BMPR1B: variants seen among roughly 807,000 people sequenced by gnomAD.
BMPR1B encodes bone morphogenetic protein receptor type 1B.
Under a neutral mutation model 59.1 loss-of-function variants are expected in BMPR1B, and 12 were observed. The observed-to-expected ratio is 0.20, with a 90% CI of 0.13 to 0.33. The LOEUF (loss-of-function observed/expected upper bound fraction) is 0.33, where lower values mean the gene tolerates loss of function less well. Among genes scored for constraint, BMPR1B ranks in the 10% least tolerant of loss-of-function variants. The probability of loss-of-function intolerance (pLI) is 1.00; values close to 1 mark genes in which losing one functional copy is unlikely to be tolerated. For synonymous variants in BMPR1B, 237 were observed against 207.3 expected (o/e 1.14, Z -1.23); for missense variants, 550 against 610.9 (o/e 0.90, Z 1.05).
chr4:95,018,671 T>C (rs185846302), intron 3 of BMPR1B, among the ~76,000 whole-genome samples: 2 of 152,168 alleles, frequency 1.3e-5, no homozygotes, highest in Non-Finnish European at 2.9e-5. Context: ...ATTTTTGGAA[T>C]TATTATTTCA....
chr4:94,888,593 A>G (rs1329863756), intron 2 of BMPR1B, among the ~76,000 whole-genome samples: 2 of 152,002 alleles, frequency 1.3e-5, no homozygotes, highest in Non-Finnish European at 1.5e-5. Flanking sequence ...GATATTGATC[A>G]TTTTACAGAT....
At position 94,777,274 on chromosome 4, in the gene BMPR1B, C is replaced by T. The variant is rs552060023; in HGVS notation, c.-183+19206C>T. 7.2e-5 allele frequency among the ~76,000 whole-genome samples: 11 copies of T among 151,822 alleles called. 1 individual carries two copies. Among genetic ancestry groups the T allele is most frequent in the Admixed American group, 5.2e-4 (8 of 15,250 alleles). ...GTTATCTCCATGAAATCTCCATAAG[C>T]CTCAGAAAAAGAAAACAAAATTTGA... On this transcript the variant is annotated intron_variant, in intron 1 of 12. Coordinates refer to ENST00000515059, the MANE Select transcript of BMPR1B (RefSeq NM_001203.3).
intron 3 of BMPR1B, among the ~76,000 whole-genome samples, chr4:95,084,157 G>T (rs1020465801): frequency 2.6e-5 from 4 of 151,356 alleles, no homozygotes; most frequent in African/African-American, 9.7e-5. Context: ...CTGAAATTAG[G>T]TTAAATCAGT....
At position 94,760,503 on chromosome 4, in the gene BMPR1B, GC is replaced by G. The variant is rs200131788; in HGVS notation, c.-183+2436del. Among the ~76,000 whole-genome samples the G allele has an allele frequency of 8.4e-3, 1,283 of 152,258 alleles. 8 individuals carry two copies. Among genetic ancestry groups the G allele is most frequent in the Non-Finnish European group, 0.014 (948 of 68,016 alleles). On this transcript the variant is annotated intron_variant, in intron 1 of 12. Coordinates refer to ENST00000515059, the MANE Select transcript of BMPR1B (RefSeq NM_001203.3). ...ATGTGCTTATCTTTTGCCACATATA[GC>G]ACCTCCTCCAGCTCTTTCTGAGCAC... is the stretch of plus-strand genomic sequence containing the variant.
chr4:94,763,851 ATTC>A (rs1327985206), intron 1 of BMPR1B, among the ~76,000 whole-genome samples: 35 of 152,174 alleles, frequency 2.3e-4, no homozygotes, highest in African/African-American at 8.2e-4. Flanking sequence ...ATTATCATCA[ATTC>A]TTTTTTCTGA....
chr4:95,053,879 AATTAAGCCACTTAGACT>A (rs1288965736), intron 3 of BMPR1B, among the ~76,000 whole-genome samples: 1 of 152,190 alleles, frequency 6.6e-6, no homozygotes, highest in Non-Finnish European at 1.5e-5. Flanking sequence ...GATTAACAGA[AATTAAGCCACTTAGACT>A]ATTAAGTTAA....
chr4:94,942,624 G>A (rs1210350164), intron 2 of BMPR1B, among the ~76,000 whole-genome samples: 2 of 152,130 alleles, frequency 1.3e-5, no homozygotes, highest in African/African-American at 4.8e-5. Context: ...TTTTCAAATT[G>A]TAGTTATATG....
intron 3 of BMPR1B, among the ~76,000 whole-genome samples, chr4:95,039,421 CT>C (rs35591365): frequency 0.26 from 37,293 of 140,866 alleles, 5,618 homozygotes; most frequent in South Asian, 0.42. Context: ...TTTACTTCTT[CT>C]TTTTTTTTTT....
intron 11 of BMPR1B, 82 bp downstream of exon 11, chr4:95,149,005 A>C (rs774780866): frequency 4.9e-5 from 75 of 1,525,278 alleles, no homozygotes; most frequent in Non-Finnish European, 6.2e-5. Flanking sequence ...CAAAGTTATC[A>C]TACTGTCTAT....
chr4:95,007,106 T>C (rs1206142557), intron 3 of BMPR1B, among the ~76,000 whole-genome samples: 1 of 152,154 alleles, frequency 6.6e-6, no homozygotes, highest in Non-Finnish European at 1.5e-5. Context: ...TTCTCACTTT[T>C]GTAACTCTAC....
In BMPR1B at chr4:94,884,588, G is replaced by A. The variant is rs147031963; in HGVS notation, c.-113+8688G>A. ...GAGGATACTTTCAAATTGGATAAGA[G>A]TTGTAACCACCCTAGGGAGGTTCTT... On this transcript the variant is annotated intron_variant, in intron 2 of 12. Coordinates refer to ENST00000515059, the MANE Select transcript of BMPR1B (RefSeq NM_001203.3). Among the ~76,000 whole-genome samples, 260 of 152,250 alleles carry A rather than the reference G, an allele frequency of 1.7e-3. 4 individuals are homozygous for A. The highest frequency in any genetic ancestry group is 6.1e-3 in the African/African-American group (255 of 41,570).
Position 94,850,034 on chromosome 4 carries a change from G to A in BMPR1B, c.-182-25797G>A, listed in dbSNP as rs1725508909. ...GACTTGCTTTTTTCCCTTCCTCCCAGTTCTTGTTGATGCCATTCCTTCAGC... is the reference window on the plus strand; with the variant it reads ...GACTTGCTTTTTTCCCTTCCTCCCAATTCTTGTTGATGCCATTCCTTCAGC... On this transcript the variant is annotated intron_variant, in intron 1 of 12. Coordinates refer to ENST00000515059, the MANE Select transcript of BMPR1B (RefSeq NM_001203.3). 2.0e-5 allele frequency among the ~76,000 whole-genome samples: 3 copies of A among 152,046 alleles called. No individual in the cohort carries two copies. The South Asian group carries it at 6.2e-4, about 32-fold the overall frequency.
chr4:95,073,365 A>G (rs1170856007), intron 3 of BMPR1B, among the ~76,000 whole-genome samples: 12 of 152,184 alleles, frequency 7.9e-5, no homozygotes, highest in Admixed American at 7.9e-4. Context: ...ACTGCTATGC[A>G]ACATTTTGGT....
intron 3 of BMPR1B, among the ~76,000 whole-genome samples, chr4:95,049,434 T>G (rs1430443892): frequency 1.8e-4 from 3 of 17,058 alleles, no homozygotes; most frequent in African/African-American, 4.6e-4. Flanking sequence ...TTTTTTTTTT[T>G]TTTTTTTTTT....
chr4:95,055,473 G>A (rs780191441), intron 3 of BMPR1B, among the ~76,000 whole-genome samples: 5 of 152,134 alleles, frequency 3.3e-5, no homozygotes, highest in Non-Finnish European at 7.4e-5. Flanking sequence ...TGAACTGTTA[G>A]ACCAACACAG....
chr4:95,055,773 C>T (rs553878050), intron 3 of BMPR1B, among the ~76,000 whole-genome samples: 18 of 152,194 alleles, frequency 1.2e-4, no homozygotes, highest in Non-Finnish European at 2.1e-4. Flanking sequence ...TGCTAGCAAC[C>T]GTATGCAAGT....
chr4:94,947,627 A>G (rs1043270151), intron 2 of BMPR1B, among the ~76,000 whole-genome samples: 5 of 152,312 alleles, frequency 3.3e-5, no homozygotes, highest in African/African-American at 1.2e-4. Context: ...GATTGAAGTA[A>G]AGCGTTTGCT....
intron 3 of BMPR1B, among the ~76,000 whole-genome samples, chr4:95,029,460 G>A (rs879848408): frequency 1.1e-4 from 16 of 152,006 alleles, no homozygotes; most frequent in Non-Finnish European, 7.4e-5. Context: ...GTATTCCATC[G>A]TGTATATGTG....
intron 1 of BMPR1B, among the ~76,000 whole-genome samples, chr4:94,864,556 A>T (rs907566579): frequency 1.3e-5 from 2 of 152,100 alleles, no homozygotes; most frequent in African/African-American, 4.8e-5. Flanking sequence ...TAATGAATAG[A>T]TCTTTTGATA....
Sources: gnomAD v4.1 joint callset for allele counts (sites outside exome capture counted in the v4.1 genomes callset) on GRCh38, gnomAD v4.1.1 for gene constraint, MANE v1.5 for transcripts, NCBI Gene and HGNC (gene_info 2026-07-23, HGNC 2026-07-21) for gene names.